SMYD3: variants seen among roughly 807,000 people sequenced by gnomAD.
SMYD3 encodes SET and MYND domain containing 3, also known as histone-lysine N-methyltransferase SMYD3.
In SMYD3, 36 loss-of-function variants were observed where a neutral mutation model predicts 57.7. The ratio of observed to expected loss-of-function variants is 0.62; its 90% CI spans 0.48 to 0.82. The LOEUF is 0.82. Among genes scored for constraint, SMYD3 ranks in the 40% least tolerant of loss-of-function variants. The probability of loss-of-function intolerance (pLI) is 0.00; values close to 1 mark genes in which losing one functional copy is unlikely to be tolerated. For missense variants in SMYD3, 515 were observed against 538.8 expected (o/e 0.96, Z 0.44); for synonymous variants, 211 against 195.0 (o/e 1.08, Z -0.68).
At chr1:245,902,911 A>C (rs996116930) in intron 8 of SMYD3, among the ~76,000 whole-genome samples, 1 of 152,242 alleles carries the variant, frequency 6.6e-6, no homozygotes, top group Non-Finnish European at 1.5e-5. Flanking sequence ...CACCAGATGC[A>C]CAGACGTAAG....
intron 8 of SMYD3, among the ~76,000 whole-genome samples, chr1:245,892,695 T>C (rs952544584): frequency 6.6e-6 from 1 of 152,174 alleles, no homozygotes; most frequent in Admixed American, 6.5e-5. Flanking sequence ...GCTATCCATA[T>C]ACAAAAAAGA....
At chr1:246,098,301 A>C (rs1054993181) in intron 5 of SMYD3, among the ~76,000 whole-genome samples, 1 of 152,176 alleles carries the variant, frequency 6.6e-6, no homozygotes, top group Non-Finnish European at 1.5e-5. Flanking sequence ...TGTCAATCTA[A>C]GAAAGTCCTA....
At chr1:245,885,516 G>A (rs1257000403) in intron 8 of SMYD3, among the ~76,000 whole-genome samples, 3 of 152,156 alleles carry the variant, frequency 2.0e-5, no homozygotes, top group African/African-American at 4.8e-5. Context: ...AAACCTTACC[G>A]AGGACTTCCT....
chr1:246,417,376 G>A (rs2067078902), intron 1 of SMYD3: 1 of 134,844 alleles, frequency 7.4e-6, no homozygotes, highest in Non-Finnish European at 1.7e-5. Context: ...CAAGGCAGCT[G>A]AGCAGAAGGA....
intron 10 of SMYD3, among the ~76,000 whole-genome samples, chr1:245,842,557 T>G (rs1352641415): frequency 2.6e-5 from 4 of 152,176 alleles, no homozygotes; most frequent in Non-Finnish European, 5.9e-5. Context: ...GCAAGCCGAC[T>G]TTGATAATAA....
At chr1:246,342,019 C>T (rs1426357368) in intron 2 of SMYD3, among the ~76,000 whole-genome samples, 2 of 152,198 alleles carry the variant, frequency 1.3e-5, no homozygotes, top group Non-Finnish European at 2.9e-5. Context: ...TCTGTAACAT[C>T]CATTCCTAAC....
chr1:246,255,991 C>T (rs865819023), intron 5 of SMYD3, among the ~76,000 whole-genome samples: 149 of 138,672 alleles, frequency 1.1e-3, no homozygotes, highest in African/African-American at 3.2e-3. Flanking sequence ...GATAGATACA[C>T]ACACACATAC....
chr1:246,451,782 A>G (rs1248854310), intron 1 of SMYD3, among the ~76,000 whole-genome samples: 1 of 152,262 alleles, frequency 6.6e-6, no homozygotes, highest in East Asian at 1.9e-4. Context: ...TTTGCTATGT[A>G]GTTAAAACTA....
At chr1:246,273,231 C>G (rs2064262900) in intron 5 of SMYD3, among the ~76,000 whole-genome samples, 1 of 149,038 alleles carries the variant, frequency 6.7e-6, no homozygotes, top group South Asian at 2.1e-4. Flanking sequence ...CTCACTACAG[C>G]CTCCGCCTCC....
At chr1:246,348,677 C>T (rs992912063) in intron 2 of SMYD3, among the ~76,000 whole-genome samples, 1 of 152,066 alleles carries the variant, frequency 6.6e-6, no homozygotes, top group East Asian at 1.9e-4. Context: ...GTGACAGGTT[C>T]AATCATACTC....
At chr1:246,256,519 G>T (rs937805086) in intron 5 of SMYD3, among the ~76,000 whole-genome samples, 1 of 152,002 alleles carries the variant, frequency 6.6e-6, no homozygotes, top group Non-Finnish European at 1.5e-5. Flanking sequence ...CTGTGGGATC[G>T]GTTGTAATGT....
In SMYD3 at chr1:245,860,012, T is replaced by A. The variant is rs142461023; in HGVS notation, c.902-1342A>T. Reference sequence around the variant, plus strand: ...AGAGTTCCAGGTGTCAGAGACACAGTGGGGAACATTTCGTGGCATGCACAA... The same window carrying A: ...AGAGTTCCAGGTGTCAGAGACACAGAGGGGAACATTTCGTGGCATGCACAA... On this transcript the variant is annotated intron_variant, in intron 9 of 11. Transcript: ENST00000490107. 1.1e-4 allele frequency among the ~76,000 whole-genome samples: 16 copies of A among 152,348 alleles called. No individual in the cohort carries two copies. In the East Asian group the frequency reaches 3.1e-3, roughly 29 times the overall value.
chr1:245,931,383 A>G (rs1399539967), intron 5 of SMYD3, among the ~76,000 whole-genome samples: 1 of 152,200 alleles, frequency 6.6e-6, no homozygotes, highest in Admixed American at 6.5e-5. Context: ...GGGGAATGAA[A>G]GGAGTCAGGA....
chr1:246,002,193 A>ATTT (rs2059063859), intron 5 of SMYD3, among the ~76,000 whole-genome samples: 1 of 151,694 alleles, frequency 6.6e-6, no homozygotes, highest in African/African-American at 2.4e-5. Context: ...TTTTTATTTT[A>ATTT]TTATTTTTTT....
intron 5 of SMYD3, among the ~76,000 whole-genome samples, chr1:246,028,298 A>C (rs1034765502): frequency 9.2e-5 from 14 of 152,230 alleles, no homozygotes; most frequent in Admixed American, 4.6e-4. Context: ...AAGGAAGTCA[A>C]ATTGTCCCTC....
chr1:246,185,353 C>A (rs1249881603), intron 5 of SMYD3, among the ~76,000 whole-genome samples: 1 of 151,628 alleles, frequency 6.6e-6, no homozygotes, highest in Non-Finnish European at 1.5e-5. Context: ...TCTCCTGCCT[C>A]ATTCTCCTGA....
intron 5 of SMYD3, among the ~76,000 whole-genome samples, chr1:246,120,399 A>C (rs1365602326): frequency 6.6e-6 from 1 of 152,018 alleles, no homozygotes; most frequent in Non-Finnish European, 1.5e-5. Context: ...CTACTGACCT[A>C]CTAAATTCCT....
chr1:246,040,145 C>T (rs2148291168), intron 5 of SMYD3, among the ~76,000 whole-genome samples: 1 of 152,306 alleles, frequency 6.6e-6, no homozygotes. Flanking sequence ...TAGCTGTATT[C>T]TAACACGTGG....
At chr1:246,229,348 C>A (rs1364012111) in intron 5 of SMYD3, among the ~76,000 whole-genome samples, 1 of 152,074 alleles carries the variant, frequency 6.6e-6, no homozygotes, top group Non-Finnish European at 1.5e-5. Context: ...TTAGTAATAA[C>A]CTATTGAATA....
Sources: allele counts gnomAD v4.1 joint callset (sites outside exome capture counted in the v4.1 genomes callset), GRCh38; gene constraint gnomAD v4.1.1; transcripts MANE v1.5; gene names NCBI Gene and HGNC (gene_info 2026-07-23, HGNC 2026-07-21).